Variants in FOXO3 observed in about 807,000 individuals in gnomAD.
The protein encoded by FOXO3 is forkhead box O3.
In FOXO3, 4 loss-of-function variants were observed where a neutral mutation model predicts 41.9. The ratio of observed to expected loss-of-function variants is 0.10; its 90% CI spans 0.05 to 0.22. The LOEUF (loss-of-function observed/expected upper bound fraction) is 0.22, where lower values mean the gene tolerates loss of function less well. Among genes scored for constraint, FOXO3 ranks in the 10% least tolerant of loss-of-function variants. The pLI is 1.00. For missense variants in FOXO3, 534 were observed against 906.8 expected, an observed-to-expected ratio of 0.59 and a Z score of 5.28; for synonymous variants, 318 against 389.3, an observed-to-expected ratio of 0.82 and a Z score of 2.16.
At chr6:108,589,103 G>A (rs987379017) in intron 1 of FOXO3, among the ~76,000 whole-genome samples, 1 of 152,192 alleles carries the variant, frequency 6.6e-6, no homozygotes, top group South Asian at 2.1e-4. Context: ...GAGAATGGAG[G>A]CTGTCATGGA....
chr6:108,584,495 A>G (rs1292933314), intron 1 of FOXO3, among the ~76,000 whole-genome samples: 2 of 152,212 alleles, frequency 1.3e-5, no homozygotes, highest in African/African-American at 4.8e-5. Context: ...GGAGTTGTCC[A>G]TCCTTTCGCG....
At chr6:108,580,258 G>A (rs1409631023) in intron 1 of FOXO3, among the ~76,000 whole-genome samples, 2 of 127,192 alleles carry the variant, frequency 1.6e-5, no homozygotes, top group East Asian at 2.4e-4. Flanking sequence ...GTGTGATCTC[G>A]GCTCACCACA....
intron 1 of FOXO3, among the ~76,000 whole-genome samples, chr6:108,591,667 A>G (rs1365704501): frequency 2.6e-5 from 4 of 152,224 alleles, no homozygotes; most frequent in African/African-American, 7.2e-5. Flanking sequence ...TGTAAACAAA[A>G]CATCTCAAGT....
intron 1 of FOXO3, among the ~76,000 whole-genome samples, chr6:108,634,631 T>G (rs1778068016): frequency 6.6e-6 from 1 of 152,042 alleles, no homozygotes; most frequent in East Asian, 1.9e-4. Flanking sequence ...CTTTAAACTT[T>G]TTGCACGTAT....
At chr6:108,675,307 G>T (rs1388955750) in intron 2 of FOXO3, among the ~76,000 whole-genome samples, 1 of 152,192 alleles carries the variant, frequency 6.6e-6, no homozygotes, top group Non-Finnish European at 1.5e-5. Flanking sequence ...GGTTTTATCA[G>T]CACAGCACAA....
intron 1 of FOXO3, among the ~76,000 whole-genome samples, chr6:108,607,594 C>T (rs553670786): frequency 1.0e-3 from 156 of 152,112 alleles, no homozygotes; most frequent in Non-Finnish European, 1.4e-3. Flanking sequence ...GTTTTTCTTG[C>T]TCTGTTTAGA....
rs555749769 is a variant in FOXO3 at position 108,564,077 on chromosome 6, CT to C, written c.621+2252del. ...AATACAGGGCACACATTTTATGATTCTTTTACCTTAAAATTTTTTACCAATT... is the reference window on the plus strand; with the variant it reads ...AATACAGGGCACACATTTTATGATTCTTTACCTTAAAATTTTTTACCAATT... On this transcript the variant is annotated intron_variant, in intron 1 of 2. Transcript: ENST00000406360. 7.9e-5 allele frequency among the ~76,000 whole-genome samples: 12 copies of C among 152,072 alleles called. 1 individual carries two copies. The East Asian group carries it at 2.3e-3, about 29-fold the overall frequency.
chr6:108,649,340 G>C (rs917252479), intron 1 of FOXO3, among the ~76,000 whole-genome samples: 4 of 152,206 alleles, frequency 2.6e-5, no homozygotes, highest in African/African-American at 9.6e-5. Context: ...TGCTCACTGT[G>C]CAGATGAAAG....
Position 108,679,977 on chromosome 6 carries a change from G to C in FOXO3, c.*185G>C, listed in dbSNP as rs1770779340. 1 of 152,896 alleles carries C rather than the reference G, an allele frequency of 6.5e-6. No homozygotes were observed. The highest frequency in any genetic ancestry group is 2.4e-5 in the African/African-American group (1 of 41,394). The allele number at this position is 152,896 out of a possible 1,614,324, so 9.5% of individuals were successfully genotyped here. A position where few individuals can be genotyped will look rare whatever the true frequency, so the allele number is the denominator to read the frequency against. The stretch of plus-strand genomic sequence containing the variant: ...GAGACTGTTAATGGCCCCTTACCCT[G>C]GGTGAAGCACTTACCCTTGGAACAG... On this transcript the variant is annotated 3_prime_UTR_variant, in exon 3 of 3. Coordinates refer to ENST00000406360, the MANE Select transcript of FOXO3 (RefSeq NM_001455.4).
chr6:108,566,234 A>G (rs1775943975), intron 1 of FOXO3, among the ~76,000 whole-genome samples: 1 of 152,186 alleles, frequency 6.6e-6, no homozygotes, highest in African/African-American at 2.4e-5. Flanking sequence ...GTGTGTTTTG[A>G]TATGTTTATC....
At chr6:108,586,300 A>C (rs909401596) in intron 1 of FOXO3, among the ~76,000 whole-genome samples, 4 of 152,232 alleles carry the variant, frequency 2.6e-5, no homozygotes, top group African/African-American at 9.6e-5. Context: ...TTATGCCTTT[A>C]AATGAAAACA....
At chr6:108,655,221 A>G (rs1191985521) in intron 1 of FOXO3, among the ~76,000 whole-genome samples, 3 of 152,214 alleles carry the variant, frequency 2.0e-5, no homozygotes, top group African/African-American at 4.8e-5. Flanking sequence ...GGGTAAGGTC[A>G]AGGATCTTTC....
At chr6:108,635,103 C>G (rs1778087042) in intron 1 of FOXO3, among the ~76,000 whole-genome samples, 1 of 151,874 alleles carries the variant, frequency 6.6e-6, no homozygotes, top group African/African-American at 2.4e-5. Flanking sequence ...AAGTTCAAGA[C>G]CAGTCTGGCC....
At chr6:108,625,385 G>A (rs1358764080) in intron 1 of FOXO3, among the ~76,000 whole-genome samples, 2 of 152,114 alleles carry the variant, frequency 1.3e-5, no homozygotes, top group African/African-American at 2.4e-5. Flanking sequence ...CTTTTGTATA[G>A]TCAAATTTAA....
At chr6:108,611,837 T>C (rs1777374476) in intron 1 of FOXO3, among the ~76,000 whole-genome samples, 2 of 152,154 alleles carry the variant, frequency 1.3e-5, no homozygotes, top group African/African-American at 4.8e-5. Flanking sequence ...TTGTTAACAG[T>C]GTCCTAACAA....
chr6:108,614,417 A>G (rs1350140114), intron 1 of FOXO3, among the ~76,000 whole-genome samples: 1 of 152,120 alleles, frequency 6.6e-6, no homozygotes, highest in Admixed American at 6.5e-5. Context: ...GCAGATTAAC[A>G]TTTAAGGTTG....
intron 1 of FOXO3, among the ~76,000 whole-genome samples, chr6:108,626,010 C>T (rs1201190804): frequency 6.6e-6 from 1 of 152,100 alleles, no homozygotes; most frequent in Non-Finnish European, 1.5e-5. Flanking sequence ...CTCAGTTCTT[C>T]CTAGGTAGAG....
In FOXO3 at chr6:108,636,447, A is replaced by G. The variant is rs958363072; in HGVS notation, c.622-27008A>G. On this transcript the variant is annotated intron_variant, in intron 1 of 2. Transcript: ENST00000406360. Reference sequence around the variant, plus strand: ...ATCCTTACAGGTTAAACCTTCGGGAATAGAACAAACCCTGTGTGTTGAGCC... The same window carrying G: ...ATCCTTACAGGTTAAACCTTCGGGAGTAGAACAAACCCTGTGTGTTGAGCC... Among the ~76,000 whole-genome samples the G allele has an allele frequency of 3.9e-5, 6 of 152,150 alleles. No homozygotes were observed. The East Asian group carries it at 5.8e-4, about 15-fold the overall frequency.
Position 108,561,379 on chromosome 6 carries a change from C to T in FOXO3, c.171C>T (p.Ile57=), listed in dbSNP as rs1033458614. 1.3e-6 allele frequency: 2 copies of T among 1,555,988 alleles called. No individual in the cohort carries two copies. Among genetic ancestry groups the T allele is most frequent in the African/African-American group, 1.4e-5 (1 of 73,328 alleles). The change falls in exon 1 of 3, where the codon ATC becomes ATT. Residue 57 remains isoleucine (I), a synonymous_variant. Coordinates refer to ENST00000406360, the MANE Select transcript of FOXO3 (RefSeq NM_001455.4). ...PSGETAADSM[I]PEEEDDEDDE... is the part of the protein sequence containing the mutation. The stretch of plus-strand genomic sequence containing the variant: ...GGGAGACGGCCGCCGACTCCATGAT[C>T]CCCGAGGAGGAGGACGATGAAGACG...
Sources: allele counts gnomAD v4.1 joint callset (sites outside exome capture counted in the v4.1 genomes callset), GRCh38; gene constraint gnomAD v4.1.1; transcripts MANE v1.5; gene names NCBI Gene and HGNC (gene_info 2026-07-23, HGNC 2026-07-21).